The following SHTN1 variants were observed in gnomAD, a reference collection of about 807,000 sequenced individuals.
The protein encoded by SHTN1 is shootin-1.
SHTN1 carries 42 observed loss-of-function variants against 83.1 expected under a neutral mutation model. The observed-to-expected ratio is 0.51, with a 90% confidence interval of 0.39 to 0.65. The LOEUF (loss-of-function observed/expected upper bound fraction) is 0.65. Ranked by LOEUF, SHTN1 falls within the 30% of genes least tolerant of loss-of-function variation. The pLI, the probability that SHTN1 is intolerant of heterozygous loss-of-function variation, is 0.00. For missense variants in SHTN1, 622 were observed against 737.8 expected (o/e 0.84, Z 1.82); for synonymous variants, 224 against 247.7 (o/e 0.90, Z 0.90).
chr10:116,927,404 C>T (rs927569369), intron 11 of SHTN1, among the ~76,000 whole-genome samples: 1 of 152,126 alleles, frequency 6.6e-6, no homozygotes, highest in Admixed American at 6.5e-5. Flanking sequence ...ACTCACAGTT[C>T]CACATGGCTG....
At chr10:116,978,315 C>G (rs1343423451) in intron 2 of SHTN1, among the ~76,000 whole-genome samples, 1 of 152,150 alleles carries the variant, frequency 6.6e-6, no homozygotes, top group African/African-American at 2.4e-5. Context: ...TATTACAGCT[C>G]TTACTCCGAA....
intron 1 of SHTN1, among the ~76,000 whole-genome samples, chr10:117,065,866 G>A (rs1195140913): frequency 3.7e-5 from 4 of 108,098 alleles, no homozygotes; most frequent in African/African-American, 1.3e-4. Context: ...AGGAGGGAGG[G>A]AGGGAGGGAG....
At chr10:116,956,285 T>C (rs1312715236) in intron 4 of SHTN1, among the ~76,000 whole-genome samples, 2 of 152,126 alleles carry the variant, frequency 1.3e-5, no homozygotes, top group Non-Finnish European at 2.9e-5. Context: ...ACATCAACAC[T>C]AAGAATCATT....
Position 116,992,304 on chromosome 10 carries a change from T to C in SHTN1, c.58+12718A>G, listed in dbSNP as rs1235892872. 4.6e-5 allele frequency among the ~76,000 whole-genome samples: 7 copies of C among 152,240 alleles called. No homozygotes were observed. In the East Asian group the frequency reaches 9.6e-4, roughly 21 times the overall value. Reference sequence around the variant, plus strand: ...GCAATTAGATAAACAAGTCAGTCCATTGATATGCAGACTGCAACCCAAACT... The same window carrying C: ...GCAATTAGATAAACAAGTCAGTCCACTGATATGCAGACTGCAACCCAAACT... On this transcript the variant is annotated intron_variant, in intron 1 of 16. Coordinates refer to ENST00000355371, the MANE Select transcript of SHTN1 (RefSeq NM_001127211.3).
chr10:116,968,942 C>G (rs988323375), intron 2 of SHTN1, among the ~76,000 whole-genome samples: 3 of 152,224 alleles, frequency 2.0e-5, no homozygotes, highest in Non-Finnish European at 2.9e-5. Context: ...TATAAGTCAC[C>G]TTCCTGCTCA....
chr10:117,003,465 T>C (rs984329059), intron 1 of SHTN1, among the ~76,000 whole-genome samples: 25 of 151,144 alleles, frequency 1.7e-4, no homozygotes, highest in African/African-American at 5.8e-4. Flanking sequence ...GTTATGTCCA[T>C]TTCAGAGGTT....
At chr10:117,074,998 T>C (rs1304154521) in intron 1 of SHTN1, among the ~76,000 whole-genome samples, 1 of 152,142 alleles carries the variant, frequency 6.6e-6, no homozygotes, top group African/African-American at 2.4e-5. Context: ...TAAGATATTG[T>C]GAAGAAAAAG....
chr10:117,024,348 C>CTTTTTT (rs1174576153), intron 2 of SHTN1, among the ~76,000 whole-genome samples: 273 of 77,616 alleles, frequency 3.5e-3, no homozygotes, highest in Non-Finnish European at 4.2e-3. Context: ...CAAAACTTTT[C>CTTTTTT]TTTTTTTTTT....
At chr10:116,996,188 A>C (rs375872450) in intron 1 of SHTN1, among the ~76,000 whole-genome samples, 1 of 152,222 alleles carries the variant, frequency 6.6e-6, no homozygotes, top group East Asian at 1.9e-4. Flanking sequence ...GAAAAATAAT[A>C]GTTCAGAAAC....
chr10:117,044,840 GA>G (rs1392829935), intron 2 of SHTN1, among the ~76,000 whole-genome samples: 1 of 152,112 alleles, frequency 6.6e-6, no homozygotes, highest in Non-Finnish European at 1.5e-5. Flanking sequence ...CATTTTCAAT[GA>G]AAGTCCTAAT....
rs557073217 is a variant in SHTN1 at position 117,100,217 on chromosome 10, T to G, written c.-189+26090A>C. 7.4e-4 allele frequency among the ~76,000 whole-genome samples: 113 copies of G among 152,212 alleles called. 2 individuals are homozygous for G. The South Asian group carries it at 0.022, about 30-fold the overall frequency. On this transcript the variant is annotated intron_variant, in intron 1 of 17. Coordinates refer to the SHTN1 transcript ENST00000392901. ...AAATAAAAAATAAAGAGTAAATACA[T>G]GTAAAGCATCTGGCACACATCAGAT...
chr10:116,952,151 G>A, intron 5 of SHTN1, 145 bp from the exon 6 acceptor site: 1 of 413,860 alleles, frequency 2.4e-6, no homozygotes, highest in Non-Finnish European at 4.1e-6. Context: ...AGAACCAAAG[G>A]ACAATGAGAA....
intron 9 of SHTN1, among the ~76,000 whole-genome samples, chr10:116,933,305 C>T (rs1193861600): frequency 2.0e-5 from 3 of 152,040 alleles, no homozygotes; most frequent in Non-Finnish European, 2.9e-5. Flanking sequence ...TCTCCTAATG[C>T]TATCCCTCCC....
chr10:116,934,702 G>T (rs1420354215), intron 9 of SHTN1, among the ~76,000 whole-genome samples: 1 of 152,136 alleles, frequency 6.6e-6, no homozygotes, highest in Non-Finnish European at 1.5e-5. Flanking sequence ...CTAATTCTGT[G>T]AAGAAAGTCA....
intron 14 of SHTN1, 69 bp downstream of exon 14, chr10:116,911,721 A>G (rs1017045093): frequency 7.2e-5 from 114 of 1,582,826 alleles, no homozygotes; most frequent in Non-Finnish European, 9.0e-5. Context: ...AATTCACAAA[A>G]AACAGATTTT....
intron 1 of SHTN1, among the ~76,000 whole-genome samples, chr10:117,124,921 G>C (rs973862589): frequency 6.6e-6 from 1 of 152,190 alleles, no homozygotes; most frequent in Non-Finnish European, 1.5e-5. Flanking sequence ...TATTGTGGGG[G>C]TTAAGGTGAT....
intron 1 of SHTN1, among the ~76,000 whole-genome samples, chr10:117,069,799 T>A (rs945900445): frequency 6.6e-6 from 1 of 152,162 alleles, no homozygotes; most frequent in Admixed American, 6.5e-5. Flanking sequence ...CTGTTGGGCA[T>A]GGATGAGACA....
chr10:117,060,552 G>C (rs1244015993), intron 1 of SHTN1, among the ~76,000 whole-genome samples: 2 of 152,162 alleles, frequency 1.3e-5, no homozygotes, highest in African/African-American at 4.8e-5. Context: ...TGACTTCAAA[G>C]AATTAATAAA....
At chr10:117,034,939 G>A (rs1379682664) in intron 2 of SHTN1, among the ~76,000 whole-genome samples, 1 of 151,894 alleles carries the variant, frequency 6.6e-6, no homozygotes, top group African/African-American at 2.4e-5. Context: ...ATCCCTCTCA[G>A]AATACCAATG....
Sources: gnomAD v4.1 joint callset for allele counts (sites outside exome capture counted in the v4.1 genomes callset) on GRCh38, gnomAD v4.1.1 for gene constraint, MANE v1.5 for transcripts, NCBI Gene and HGNC (gene_info 2026-07-23, HGNC 2026-07-21) for gene names.